Variants in TTBK2 observed in about 807,000 individuals in gnomAD.
TTBK2 encodes the protein tau tubulin kinase 2, also known as tau-tubulin kinase 2.
In TTBK2, 28 loss-of-function variants were observed where a neutral mutation model predicts 110.8. That is an observed-to-expected ratio of 0.25 (90% CI 0.19 to 0.35). TTBK2 has a LOEUF of 0.35. Ranked by LOEUF, TTBK2 falls within the 10% of genes least tolerant of loss-of-function variation. The probability of loss-of-function intolerance (pLI) is 1.00; values close to 1 mark genes in which losing one functional copy is unlikely to be tolerated. For synonymous variants in TTBK2, 532 were observed against 527.3 expected (o/e 1.01, Z -0.12); for missense variants, 1,369 against 1,500.3 (o/e 0.91, Z 1.45).
chr15:42,849,564 T>A (rs1220562056), intron 3 of TTBK2, among the ~76,000 whole-genome samples: 2 of 152,228 alleles, frequency 1.3e-5, no homozygotes, highest in Non-Finnish European at 2.9e-5. Flanking sequence ...AGACTCTAGG[T>A]CTTATTCAAG....
intron 9 of TTBK2, chr15:42,800,145 T>C (rs950917473): frequency 3.3e-5 from 12 of 364,998 alleles, no homozygotes; most frequent in Non-Finnish European, 5.2e-5. Flanking sequence ...GTCAGGATAA[T>C]GAGATTCTGA....
At chr15:42,849,060 ATCTT>A (rs1248619577) in intron 3 of TTBK2, among the ~76,000 whole-genome samples, 1 of 151,992 alleles carries the variant, frequency 6.6e-6, no homozygotes, top group African/African-American at 2.4e-5. Flanking sequence ...TTCTTTATAT[ATCTT>A]TGCTGCACCA....
intron 9 of TTBK2, among the ~76,000 whole-genome samples, chr15:42,804,008 C>CAA (rs781131720): frequency 4.8e-3 from 240 of 49,724 alleles, no homozygotes; most frequent in Middle Eastern, 0.016. Flanking sequence ...GCGAGGAGTG[C>CAA]AAAAAAAAAA....
rs767399781 is a variant in TTBK2, at chr15:42,752,955, C to T, written c.2291G>A (p.Arg764Lys). 5.6e-6 allele frequency: 9 copies of T among 1,614,190 alleles called. No homozygotes were observed. The Admixed American group carries it at 1.5e-4, about 27-fold the overall frequency. ...ATTTTCAAATTCTCTCACAACCAGT[C>T]TATTATGATCAGGAAGTTCTTTTGG... ...LGPKELPDHN[R>K]LVVREFENLP... Residue 764 changes from arginine to lysine, a missense_variant, in exon 14 of 15, where the codon AGA (arginine) becomes AAA (lysine). Arg to Lys is a conservative substitution (Grantham distance 26). Around this residue, in one of 4 missense-constraint regions of TTBK2, gnomAD observed 1,097 missense variants for 1,114.7 expected, o/e 0.98. Transcript: ENST00000267890.
At chr15:42,802,015 C>T (rs369910453) in intron 9 of TTBK2, 27 of 1,495,912 alleles carry the variant, frequency 1.8e-5, no homozygotes, top group African/African-American at 4.1e-5. Flanking sequence ...CATGTTGCTC[C>T]GAGCCATCTT....
At chr15:42,843,758 CAAAAAAA>C (rs57403388) in intron 3 of TTBK2, among the ~76,000 whole-genome samples, 5 of 71,668 alleles carry the variant, frequency 7.0e-5, no homozygotes, top group Non-Finnish European at 1.4e-4. Context: ...GACTTGGTCT[CAAAAAAA>C]AAAAAAAAAA....
chr15:42,793,255 G>A (rs543729570), intron 10 of TTBK2, among the ~76,000 whole-genome samples: 2 of 152,306 alleles, frequency 1.3e-5, no homozygotes, highest in South Asian at 4.2e-4. Flanking sequence ...AAAAACATCC[G>A]TGGTGATTCT....
chr15:42,805,536 T>C (rs1354709880), intron 9 of TTBK2, among the ~76,000 whole-genome samples: 2 of 152,166 alleles, frequency 1.3e-5, no homozygotes, highest in African/African-American at 4.8e-5. Context: ...AGGGGTCTAA[T>C]ATGACTAGAT....
rs922618692 is a variant in TTBK2 at position 42,896,754 on chromosome 15, C to G, written c.-67-18070G>C. Reference sequence around the variant, plus strand: ...TGGCTGCAGTGAGCCATGATCACACCACTGCACTCCAGCATGGGCAATAGA... The same window carrying G: ...TGGCTGCAGTGAGCCATGATCACACGACTGCACTCCAGCATGGGCAATAGA... On this transcript the variant is annotated intron_variant, in intron 1 of 14. Coordinates refer to ENST00000267890, the MANE Select transcript of TTBK2 (RefSeq NM_173500.4). Among the ~76,000 whole-genome samples, 11 of 152,148 alleles carry G rather than the reference C, an allele frequency of 7.2e-5. 1 individual carries two copies. In the South Asian group the frequency reaches 1.2e-3, roughly 17 times the overall value.
chr15:42,915,105 T>C (rs1477459578), intron 1 of TTBK2, among the ~76,000 whole-genome samples: 1 of 152,260 alleles, frequency 6.6e-6, no homozygotes, highest in East Asian at 1.9e-4. Context: ...CTTTCTGCAG[T>C]TTCAGTTACC....
intron 4 of TTBK2, 72 bp downstream of exon 4, chr15:42,840,288 T>C: frequency 7.9e-7 from 1 of 1,270,626 alleles, no homozygotes; most frequent in Non-Finnish European, 1.2e-6. Flanking sequence ...TTACTTTTTA[T>C]TCATATTCAC....
intron 9 of TTBK2, among the ~76,000 whole-genome samples, chr15:42,796,963 T>C (rs1890971585): frequency 6.6e-6 from 1 of 152,260 alleles, no homozygotes; most frequent in Admixed American, 6.5e-5. Flanking sequence ...ATTTGGGTCC[T>C]ATTTTTGTTC....
intron 13 of TTBK2, among the ~76,000 whole-genome samples, chr15:42,770,851 T>C (rs1266352690): frequency 1.3e-5 from 2 of 152,144 alleles, no homozygotes; most frequent in African/African-American, 4.8e-5. Flanking sequence ...CATTCCTGTG[T>C]CAGTGGAGGC....
rs1397445907 is a variant in TTBK2 at position 42,739,070 on chromosome 15, A to AT, written c.*6724dup. The AT allele has an allele frequency of 6.6e-6, 1 of 152,250 alleles. No homozygotes were observed. Among genetic ancestry groups the AT allele is most frequent in the African/African-American group, 2.4e-5 (1 of 41,472 alleles). 9.4% of individuals were successfully genotyped at this position (152,250 alleles called of 1,614,324 possible). A position where few individuals can be genotyped will look rare whatever the true frequency, so the allele number is the denominator to read the frequency against. On this transcript the variant is annotated 3_prime_UTR_variant, in exon 15 of 15. Coordinates refer to ENST00000267890, the MANE Select transcript of TTBK2 (RefSeq NM_173500.4). ...TTAAAACACTGTACAAAGCTTTAAT[A>AT]TGATACAAATGGGAAAATTAAATAA...
chr15:42,904,360 T>C (rs2682073), intron 1 of TTBK2, among the ~76,000 whole-genome samples: 22,371 of 152,118 alleles, frequency 0.15, 1,759 homozygotes, highest in African/African-American at 0.21. Flanking sequence ...ATAACTTAGC[T>C]ACAGTACCAA....
intron 6 of TTBK2, among the ~76,000 whole-genome samples, chr15:42,821,283 A>G (rs773960262): frequency 2.0e-4 from 31 of 152,268 alleles, no homozygotes; most frequent in Non-Finnish European, 4.1e-4. Flanking sequence ...AGCAGGGGGA[A>G]GAATCAGAGA....
chr15:42,755,352 C>T (rs902073073), intron 13 of TTBK2, among the ~76,000 whole-genome samples: 1 of 152,128 alleles, frequency 6.6e-6, no homozygotes, highest in African/African-American at 2.4e-5. Context: ...AGTTTAGAGT[C>T]GATCTCTAGT....
chr15:42,835,050 T>G (rs1460246804), intron 4 of TTBK2, among the ~76,000 whole-genome samples: 1 of 152,136 alleles, frequency 6.6e-6, no homozygotes, highest in Non-Finnish European at 1.5e-5. Context: ...CTATATAAAA[T>G]ATACTTGAGG....
Position 42,794,160 on chromosome 15 carries a change from C to T in TTBK2, c.980+484G>A, listed in dbSNP as rs369878679. ...ATAAAAGACAAAAGGAACTCTAATA[C>T]ACGTAGAGGAAAAAACATTAACAAT... On this transcript the variant is annotated intron_variant, in intron 10 of 14. Transcript: ENST00000267890. 1.4e-4 allele frequency among the ~76,000 whole-genome samples: 20 copies of T among 146,872 alleles called. No homozygotes were observed. The East Asian group carries it at 3.2e-3, about 24-fold the overall frequency.
Sources: allele counts gnomAD v4.1 joint callset (sites outside exome capture counted in the v4.1 genomes callset), GRCh38; gene constraint gnomAD v4.1.1; regional missense constraint gnomAD v4.1.1; transcripts MANE v1.5; gene names NCBI Gene and HGNC (gene_info 2026-07-23, HGNC 2026-07-21).